Variants in IQCM observed in about 807,000 individuals in gnomAD.
IQCM encodes IQ motif containing M.
In IQCM, 45 loss-of-function variants were observed where a neutral mutation model predicts 57.6. The ratio of observed to expected loss-of-function variants is 0.78; its 90% CI spans 0.62 to 1.00. The LOEUF (loss-of-function observed/expected upper bound fraction) is 1.00. Ranked by LOEUF, IQCM falls within the 50% of genes least tolerant of loss-of-function variation. IQCM has a pLI of 0.00. For missense variants in IQCM, 468 were observed against 511.6 expected (o/e 0.91, Z 0.82); for synonymous variants, 148 against 158.9 (o/e 0.93, Z 0.51).
At chr4:149,773,331 G>A (rs542110222) in intron 2 of IQCM, among the ~76,000 whole-genome samples, 15 of 150,186 alleles carry the variant, frequency 1.0e-4, no homozygotes, top group African/African-American at 2.9e-4. Context: ...CAGCCTGGGC[G>A]ACGGAGCAAA....
chr4:149,611,911 T>C (rs1323616919), intron 8 of IQCM, among the ~76,000 whole-genome samples: 1 of 152,064 alleles, frequency 6.6e-6, no homozygotes, highest in East Asian at 1.9e-4. Flanking sequence ...CAAAATATCA[T>C]ATGTACCCCA....
At chr4:149,535,347 T>A (rs1747182912) in intron 12 of IQCM, among the ~76,000 whole-genome samples, 1 of 152,098 alleles carries the variant, frequency 6.6e-6, no homozygotes, top group African/African-American at 2.4e-5. Flanking sequence ...TTCATGTTCC[T>A]TTCATGTATC....
intron 12 of IQCM, among the ~76,000 whole-genome samples, chr4:149,468,037 G>A (rs748400373): frequency 5.3e-5 from 8 of 152,144 alleles, no homozygotes; most frequent in Non-Finnish European, 8.8e-5. Flanking sequence ...CAAGATGGCC[G>A]AATAGGAACA....
intron 7 of IQCM, among the ~76,000 whole-genome samples, chr4:149,652,612 A>AT (rs1759292621): frequency 6.6e-6 from 1 of 152,072 alleles, no homozygotes; most frequent in Non-Finnish European, 1.5e-5. Context: ...ACTTGAGCCA[A>AT]CAGTTCAATA....
intron 12 of IQCM, among the ~76,000 whole-genome samples, chr4:149,435,580 A>T (rs2111290910): frequency 6.6e-6 from 1 of 152,070 alleles, no homozygotes; most frequent in East Asian, 1.9e-4. Flanking sequence ...ATTAAAAAAA[A>T]AAAAAACAGT....
At chr4:149,677,327 C>T (rs1233715532) in intron 7 of IQCM, among the ~76,000 whole-genome samples, 1 of 152,100 alleles carries the variant, frequency 6.6e-6, no homozygotes, top group Non-Finnish European at 1.5e-5. Context: ...TTTTAAGCAG[C>T]ATCACACTCC....
intron 7 of IQCM, among the ~76,000 whole-genome samples, chr4:149,660,970 C>T (rs1171360566): frequency 1.3e-5 from 2 of 151,612 alleles, no homozygotes; most frequent in East Asian, 1.9e-4. Context: ...TACCCTAAAA[C>T]TTAAAGTATA....
chr4:149,612,179 C>T (rs1029938693), intron 8 of IQCM, among the ~76,000 whole-genome samples: 1 of 151,880 alleles, frequency 6.6e-6, no homozygotes, highest in Non-Finnish European at 1.5e-5. Flanking sequence ...AGGGGGATGT[C>T]CATTCCCATG....
intron 13 of IQCM, among the ~76,000 whole-genome samples, chr4:149,406,992 G>C (rs1733023581): frequency 6.7e-6 from 1 of 150,354 alleles, no homozygotes; most frequent in South Asian, 2.1e-4. Flanking sequence ...TGAAGGCTGG[G>C]GAGGCCTCAT....
intron 13 of IQCM, chr4:149,429,924 C>T: frequency 9.5e-7 from 1 of 1,050,718 alleles, no homozygotes. Context: ...CGTAATGCCA[C>T]TTGCATATTT....
chr4:149,373,124 TA>T (rs1730474755), intron 13 of IQCM, among the ~76,000 whole-genome samples: 1 of 152,160 alleles, frequency 6.6e-6, no homozygotes, highest in Non-Finnish European at 1.5e-5. Flanking sequence ...TAGAAAGTTT[TA>T]AAAAATACTC....
chr4:149,733,078 GT>G (rs757096158), intron 5 of IQCM, among the ~76,000 whole-genome samples, 165 bp downstream of exon 5: 174 of 152,220 alleles, frequency 1.1e-3, no homozygotes, highest in Non-Finnish European at 1.8e-3. Flanking sequence ...ATTTCTGGTG[GT>G]GCCCAGAGAT....
At chr4:149,650,348 A>G (rs899156303) in intron 7 of IQCM, among the ~76,000 whole-genome samples, 4 of 151,948 alleles carry the variant, frequency 2.6e-5, no homozygotes, top group Admixed American at 1.3e-4. Context: ...TTGCTTCCCT[A>G]GAAGCTTTGG....
chr4:149,744,739 A>G (rs1767766512), intron 2 of IQCM, among the ~76,000 whole-genome samples: 2 of 152,112 alleles, frequency 1.3e-5, no homozygotes, highest in Admixed American at 6.6e-5. Flanking sequence ...GCAGACAGTT[A>G]CGAGATGCTG....
At chr4:149,475,261 T>A (rs903575017) in intron 12 of IQCM, among the ~76,000 whole-genome samples, 2 of 152,220 alleles carry the variant, frequency 1.3e-5, no homozygotes, top group African/African-American at 4.8e-5. Context: ...ACAGATTAGA[T>A]GTGAGGATGA....
At chr4:149,604,497 T>A (rs58453743) in intron 8 of IQCM, among the ~76,000 whole-genome samples, 2 of 151,956 alleles carry the variant, frequency 1.3e-5, no homozygotes, top group Non-Finnish European at 2.9e-5. Context: ...CCTGATCATT[T>A]AAAAAAAATA....
chr4:149,412,043 CAT>C (rs1733421481), intron 13 of IQCM, among the ~76,000 whole-genome samples: 1 of 149,826 alleles, frequency 6.7e-6, no homozygotes, highest in African/African-American at 2.5e-5. Context: ...TTTCTTAAAA[CAT>C]GTAACATTTA....
intron 13 of IQCM, among the ~76,000 whole-genome samples, chr4:149,387,752 G>A (rs1731526050): frequency 4.0e-5 from 6 of 151,862 alleles, no homozygotes; most frequent in South Asian, 2.1e-4. Flanking sequence ...TAGTACATTC[G>A]AAATTGTGCA....
intron 2 of IQCM, among the ~76,000 whole-genome samples, chr4:149,794,532 T>C (rs948320456): frequency 6.6e-6 from 1 of 152,212 alleles, no homozygotes; most frequent in African/African-American, 2.4e-5. Flanking sequence ...CGAGTTATGT[T>C]ACTCAACCTT....
Sources: allele counts gnomAD v4.1 joint callset (sites outside exome capture counted in the v4.1 genomes callset), GRCh38; gene constraint gnomAD v4.1.1; transcripts MANE v1.5; gene names NCBI Gene and HGNC (gene_info 2026-07-23, HGNC 2026-07-21).